FRMPD4: variants seen among roughly 807,000 people sequenced by gnomAD.
FRMPD4 encodes FERM and PDZ domain containing 4.
FRMPD4 carries 22 observed loss-of-function variants against 94.1 expected under a neutral mutation model. The ratio of observed to expected loss-of-function variants is 0.23; its 90% CI spans 0.17 to 0.33. The LOEUF (loss-of-function observed/expected upper bound fraction) is 0.33. FRMPD4 is among the 10% of genes least tolerant of loss of function. FRMPD4 has a pLI of 1.00. For synonymous variants in FRMPD4, 631 were observed against 548.6 expected (o/e 1.15, Z -2.10); for missense variants, 1,111 against 1,339.9 (o/e 0.83, Z 2.67).
intron 3 of FRMPD4, among the ~76,000 whole-genome samples, chrX:12,035,529 T>A (rs188190558): frequency 1.7e-3 from 187 of 112,313 alleles, no homozygotes; most frequent in African/African-American, 5.8e-3. Flanking sequence ...CAACTTTTTC[T>A]CAAGCTGTAT....
chrX:12,627,874 G>A (rs1293677652), intron 4 of FRMPD4, among the ~76,000 whole-genome samples: 1 of 112,143 alleles, frequency 8.9e-6, no homozygotes, highest in African/African-American at 3.2e-5. Context: ...AGAAAAAAAT[G>A]GAAGGAGATA....
chrX:12,396,952 A>G (rs1302388352), intron 1 of FRMPD4, among the ~76,000 whole-genome samples: 1 of 111,924 alleles, frequency 8.9e-6, no homozygotes, highest in Non-Finnish European at 1.9e-5. Flanking sequence ...GGGACTTGTG[A>G]TGATGTTCAT....
chrX:12,381,799 G>C (rs1248447846), intron 1 of FRMPD4, among the ~76,000 whole-genome samples: 5 of 111,812 alleles, frequency 4.5e-5, no homozygotes, highest in African/African-American at 1.6e-4. Flanking sequence ...ACCAGGGGAT[G>C]AGAACAAATA....
intron 4 of FRMPD4, among the ~76,000 whole-genome samples, chrX:12,655,342 C>T (rs1331739340): frequency 8.9e-6 from 1 of 111,893 alleles, no homozygotes; most frequent in African/African-American, 3.2e-5. Context: ...ATCTCTATCC[C>T]TGTGTGTGTG....
intron 2 of FRMPD4, among the ~76,000 whole-genome samples, chrX:12,529,369 T>C (rs753595442): frequency 8.9e-6 from 1 of 112,435 alleles, no homozygotes; most frequent in Non-Finnish European, 1.9e-5. Flanking sequence ...ATGAAAATCA[T>C]AATTTTTGCA....
At chrX:12,421,421 T>C (rs1269571419) in intron 1 of FRMPD4, among the ~76,000 whole-genome samples, 4 of 111,053 alleles carry the variant, frequency 3.6e-5, no homozygotes, top group Non-Finnish European at 7.5e-5. Context: ...ACTAAAATAT[T>C]TGCAATGGAG....
At chrX:11,823,903 CT>C (rs1453415289) in intron 1 of FRMPD4, among the ~76,000 whole-genome samples, 5 of 111,707 alleles carry the variant, frequency 4.5e-5, no homozygotes, top group African/African-American at 1.3e-4. Context: ...ACAAAACTGC[CT>C]TTCTAACAAC....
intron 2 of FRMPD4, among the ~76,000 whole-genome samples, chrX:12,513,256 A>G (rs917740715): frequency 8.9e-6 from 1 of 112,148 alleles, no homozygotes; most frequent in Non-Finnish European, 1.9e-5. Context: ...TTCTGTTGCA[A>G]TTGATTTTGA....
chrX:12,155,766 G>A (rs2055926769), intron 1 of FRMPD4, among the ~76,000 whole-genome samples: 1 of 110,891 alleles, frequency 9.0e-6, no homozygotes, highest in African/African-American at 3.3e-5. Flanking sequence ...AACCTACCCA[G>A]TGAGAGGAAT....
In FRMPD4 at chrX:12,021,972, C is replaced by T. The variant is rs766018257; in HGVS notation, c.95+143954C>T. ...GCCTCTGCTCTGGTGCTAAGCTGTGCTCTGCTGTGTCACCATGGGCAAGTA... is the reference window on the plus strand; with the variant it reads ...GCCTCTGCTCTGGTGCTAAGCTGTGTTCTGCTGTGTCACCATGGGCAAGTA... On this transcript the variant is annotated intron_variant, in intron 3 of 18. Transcript: ENST00000640291. Among the ~76,000 whole-genome samples the T allele has an allele frequency of 4.5e-5, 5 of 112,175 alleles. No individual in the cohort carries two copies. The East Asian group carries it at 8.4e-4, about 19-fold the overall frequency.
intron 4 of FRMPD4, among the ~76,000 whole-genome samples, chrX:12,625,861 A>G (rs1270708166): frequency 8.9e-6 from 1 of 112,015 alleles, no homozygotes; most frequent in Non-Finnish European, 1.9e-5. Context: ...TGATTTGATC[A>G]TTACACATTA....
At chrX:12,575,138 C>T (rs935520041) in intron 2 of FRMPD4, among the ~76,000 whole-genome samples, 1 of 111,513 alleles carries the variant, frequency 9.0e-6, no homozygotes, top group Non-Finnish European at 1.9e-5. Context: ...ATTTGATGTA[C>T]ATGATTATTT....
At chrX:11,868,700 T>C (rs772267294) in intron 2 of FRMPD4, among the ~76,000 whole-genome samples, 1 of 112,156 alleles carries the variant, frequency 8.9e-6, no homozygotes, top group South Asian at 3.7e-4. Context: ...TAAATAACCA[T>C]AGCAAATAAT....
intron 3 of FRMPD4, among the ~76,000 whole-genome samples, chrX:11,932,318 T>G: frequency 8.9e-6 from 1 of 112,296 alleles, no homozygotes; most frequent in Admixed American, 9.5e-5. Context: ...CTTTACTGAA[T>G]AATTCTTCAT....
At chrX:12,230,873 TATA>T (rs1400647007) in intron 1 of FRMPD4, among the ~76,000 whole-genome samples, 15 of 89,430 alleles carry the variant, frequency 1.7e-4, no homozygotes, top group Non-Finnish European at 3.0e-4. Context: ...ATATATTATA[TATA>T]ATAATATATA....
chrX:12,258,858 A>G (rs7051084), intron 1 of FRMPD4, among the ~76,000 whole-genome samples: 44 of 111,199 alleles, frequency 4.0e-4, no homozygotes, highest in African/African-American at 1.4e-3. Flanking sequence ...TAACTATACA[A>G]TAAATTATTA....
At chrX:11,833,292 T>G (rs2053484614) in intron 1 of FRMPD4, among the ~76,000 whole-genome samples, 1 of 112,555 alleles carries the variant, frequency 8.9e-6, no homozygotes, top group Non-Finnish European at 1.9e-5. Context: ...AAAGCTGCTA[T>G]AAACTATAAA....
intron 3 of FRMPD4, among the ~76,000 whole-genome samples, chrX:11,888,743 C>A (rs2053859222): frequency 1.8e-5 from 2 of 111,992 alleles, no homozygotes; most frequent in African/African-American, 6.5e-5. Context: ...ATACTATAGT[C>A]TATTAAGTGT....
chrX:12,535,009 T>G (rs889960355), intron 2 of FRMPD4, among the ~76,000 whole-genome samples: 32 of 111,421 alleles, frequency 2.9e-4, no homozygotes, highest in African/African-American at 9.5e-4. Flanking sequence ...AATTCCTACA[T>G]GTTGTAGGAG....
Sources: allele counts gnomAD v4.1 joint callset (sites outside exome capture counted in the v4.1 genomes callset), GRCh38; gene constraint gnomAD v4.1.1; transcripts MANE v1.5; gene names NCBI Gene and HGNC (gene_info 2026-07-23, HGNC 2026-07-21).